BRD2: variants seen among roughly 807,000 people sequenced by gnomAD.
BRD2 encodes bromodomain containing 2, also known as bromodomain-containing protein 2.
BRD2 carries 15 observed loss-of-function variants against 79.1 expected under a neutral mutation model. That is an observed-to-expected ratio of 0.19 (90% CI 0.13 to 0.29). BRD2 has a LOEUF of 0.29. Ranked by LOEUF, BRD2 falls within the 10% of genes least tolerant of loss-of-function variation. BRD2 has a pLI of 1.00. For synonymous variants in BRD2, 488 were observed against 358.6 expected, an observed-to-expected ratio of 1.36 and a Z score of -4.08; for missense variants, 1,053 against 991.3, an observed-to-expected ratio of 1.06 and a Z score of -0.84.
In BRD2 at chr6:32,972,652, T is replaced by C. The variant is rs908262455; in HGVS notation, c.-247T>C. 1 of 606,558 alleles carries C rather than the reference T, an allele frequency of 1.6e-6. No homozygotes were observed. Among genetic ancestry groups the C allele is most frequent in the African/African-American group, 1.9e-5 (1 of 53,834 alleles). The allele number at this position is 606,558 out of a possible 1,614,324, so 37.6% of individuals were successfully genotyped here. A position where few individuals can be genotyped will look rare whatever the true frequency, so the allele number is the denominator to read the frequency against. Reference sequence around the variant, plus strand: ...GTCAGTCCCTCCTTAGTTGCCCGCCTCAGCTGAGGCCGCCGCCATTTTCTT... The same window carrying C: ...GTCAGTCCCTCCTTAGTTGCCCGCCCCAGCTGAGGCCGCCGCCATTTTCTT... On this transcript the variant is annotated 5_prime_UTR_variant, in exon 2 of 13. Coordinates refer to ENST00000374825, the MANE Select transcript of BRD2 (RefSeq NM_005104.4).
Position 32,976,280 on chromosome 6 carries a change from A to G in BRD2, c.641A>G (p.Gln214Arg). The change falls in exon 6 of 13, where the codon CAG (glutamine) becomes CGG (arginine). Residue 214 changes from glutamine (Q) to arginine (R), a missense_variant. This residue lies in a region of BRD2 where 413 missense variants were observed against 335.1 expected (regional missense o/e 1.23). Transcript: ENST00000374825. ...CAGGGCAGTGTTACCAGTGCCCATC[A>G]GGTGCCTGCCGTCTCTTCTGTGTCA... Reference protein sequence around the residue: ...ALQGSVTSAHQVPAVSSVSHT... With the variant: ...ALQGSVTSAHRVPAVSSVSHT... The G allele has an allele frequency of 2.5e-6, 4 of 1,613,036 alleles. No individual in the cohort carries two copies. Among genetic ancestry groups the G allele is most frequent in the Non-Finnish European group, 3.4e-6 (4 of 1,180,018 alleles).
chr6:32,977,054 T>TA, intron 7 of BRD2, 118 bp downstream of exon 7: 1 of 1,362,926 alleles, frequency 7.3e-7, no homozygotes, highest in South Asian at 1.5e-5. Flanking sequence ...TTTACTTTTA[T>TA]AAAATAATAG....
Position 32,980,628 on chromosome 6 carries a change from A to G in BRD2, c.2316A>G (p.Ser772=). ...ESSSAQQVAV[S]RLSASSSSSD... The stretch of plus-strand genomic sequence containing the variant: ...CCTCTGCACAGCAAGTAGCAGTGTC[A>G]CGCCTTAGCGCTTCCAGCTCCAGCT... Residue 772 remains serine (S), a synonymous_variant, in exon 13 of 13, where the codon TCA becomes TCG. Transcript: ENST00000374825. The G allele has an allele frequency of 6.2e-7, 1 of 1,613,164 alleles. No homozygotes were observed. The highest frequency in any genetic ancestry group is 8.5e-7 in the Non-Finnish European group (1 of 1,180,042).
intron 3 of BRD2, chr6:32,975,059 A>C: frequency 6.6e-7 from 1 of 1,520,596 alleles, no homozygotes; most frequent in Non-Finnish European, 8.8e-7. Flanking sequence ...CGGTGGCCAA[A>C]ATTCTTAGCT....
In BRD2 at chr6:32,974,927, T is replaced by C. The variant is rs373183534; in HGVS notation, c.333+162T>C. 15 of 1,402,434 alleles carry C rather than the reference T, an allele frequency of 1.1e-5. 1 individual carries two copies. The highest frequency in any genetic ancestry group is 1.9e-4 in the Middle Eastern group (1 of 5,194). The allele number at this position is 1,402,434 out of a possible 1,614,324, so 86.9% of individuals were successfully genotyped here. A position where few individuals can be genotyped will look rare whatever the true frequency, so the allele number is the denominator to read the frequency against. On this transcript the variant is annotated intron_variant, in intron 3 of 12. Transcript: ENST00000374825. Reference sequence around the variant, plus strand: ...TTCTGGGTATCTTGGTCCTTTGTGATTGATCCGACCGCTTGCTGTAACTAT... The same window carrying C: ...TTCTGGGTATCTTGGTCCTTTGTGACTGATCCGACCGCTTGCTGTAACTAT...
chr6:32,980,087 C>T lies in BRD2; in HGVS notation c.2101C>T (p.Arg701Cys), dbSNP rs771034602. 25 of 1,612,676 alleles carry T rather than the reference C, an allele frequency of 1.6e-5. No individual in the cohort carries two copies. Among genetic ancestry groups the T allele is most frequent in the African/African-American group, 1.1e-4 (8 of 74,860 alleles). Reference protein sequence around the residue: ...LKPSTLRELERYVLSCLRKKP... With the variant: ...LKPSTLRELECYVLSCLRKKP... Reference sequence around the variant, plus strand: ...GCCATCCACACTTAGAGAGCTTGAGCGCTATGTCCTTTCCTGCCTACGTAA... The same window carrying T: ...GCCATCCACACTTAGAGAGCTTGAGTGCTATGTCCTTTCCTGCCTACGTAA... The change falls in exon 11 of 13, where the codon CGC (arginine) becomes TGC (cysteine). Residue 701 changes from arginine (R) to cysteine (C), a missense_variant. Physicochemically the swap from Arg to Cys is radical, Grantham distance 180. Transcript: ENST00000374825.
Position 32,972,728 on chromosome 6 carries a change from G to T in BRD2, c.-171G>T. The T allele has an allele frequency of 6.3e-6, 6 of 957,186 alleles. No individual in the cohort carries two copies. The highest frequency in any genetic ancestry group is 2.5e-5 in the East Asian group (1 of 40,200). The allele number at this position is 957,186 out of a possible 1,614,324, so 59.3% of individuals were successfully genotyped here. A position where few individuals can be genotyped will look rare whatever the true frequency, so the allele number is the denominator to read the frequency against. Reference sequence around the variant, plus strand: ...CAAGCTGCCCGGAGCTCTCCGAGAGGCCCCAAAGAGACTGCTTTCGTGCCG... The same window carrying T: ...CAAGCTGCCCGGAGCTCTCCGAGAGTCCCCAAAGAGACTGCTTTCGTGCCG... On this transcript the variant is annotated 5_prime_UTR_variant, in exon 2 of 13. Coordinates refer to ENST00000374825, the MANE Select transcript of BRD2 (RefSeq NM_005104.4).
rs1778584745 is a variant in BRD2, at chr6:32,975,301, TGTGTGTGTGA to T, written c.334-81_334-72del. ...CATAGGGGGGGTGTGTGTGTGTGTG[TGTGTGTGTGA>T]GAGTCGGGGATCGGTAGTCTCCCTA... On this transcript the variant is annotated intron_variant, in intron 3 of 12. Coordinates refer to ENST00000374825, the MANE Select transcript of BRD2 (RefSeq NM_005104.4). 2.6e-6 allele frequency: 3 copies of T among 1,149,134 alleles called. No individual in the cohort carries two copies. The East Asian group carries it at 7.7e-5, about 29-fold the overall frequency. The allele number at this position is 1,149,134 out of a possible 1,614,324, so 71.2% of individuals were successfully genotyped here.
chr6:32,973,446 G>T (rs1227673826), intron 2 of BRD2, among the ~76,000 whole-genome samples: 4 of 152,080 alleles, frequency 2.6e-5, no homozygotes, highest in Non-Finnish European at 5.9e-5. Flanking sequence ...TCTTTGGGTG[G>T]GTGGGTTGTG....
chr6:32,970,483 C>T (rs1484301631), intron 1 of BRD2: 2 of 153,762 alleles, frequency 1.3e-5, no homozygotes, highest in African/African-American at 4.8e-5. Context: ...GTGGTTGCAG[C>T]TCAAGGACCT....
rs1778456287 is a variant in BRD2 at position 32,974,532 on chromosome 6, C to G, written c.100C>G (p.Arg34Gly). Residue 34 changes from arginine (R) to glycine (G), a missense_variant, in exon 3 of 13, where the codon CGA (arginine) becomes GGA (glycine). By Grantham distance (125) the Arg-to-Gly change is moderately radical. Coordinates refer to ENST00000374825, the MANE Select transcript of BRD2 (RefSeq NM_005104.4). ...AGCAGCAGCACCAGGGAAGAGGATT[C>G]GAAAACCCTCTCTCTTGTATGAGGG... ...PEAAAPGKRI[R>G]KPSLLYEGFE... 1 of 1,614,042 alleles carries G rather than the reference C, an allele frequency of 6.2e-7. No individual in the cohort carries two copies.
At chr6:32,974,171 C>T (rs1045490281) in intron 2 of BRD2, among the ~76,000 whole-genome samples, 3 of 152,102 alleles carry the variant, frequency 2.0e-5, no homozygotes, top group African/African-American at 4.8e-5. Flanking sequence ...AGATGTCGTG[C>T]CTTGTCAGAA....
At chr6:32,974,312 A>AT in intron 2 of BRD2, 150 bp from the exon 3 acceptor site, 1 of 771,610 alleles carries the variant, frequency 1.3e-6, no homozygotes, top group Non-Finnish European at 2.1e-6. Flanking sequence ...AGCTCCACAG[A>AT]TTGTTTGGAT....
chr6:32,972,303 A>T lies in BRD2; in HGVS notation c.-596A>T, dbSNP rs1323888540. 2.5e-6 allele frequency: 1 copy of T among 396,756 alleles called. No individual in the cohort carries two copies. The highest frequency in any genetic ancestry group is 2.1e-5 in the African/African-American group (1 of 48,204). 24.6% of individuals were successfully genotyped at this position (396,756 alleles called of 1,614,324 possible). A position where few individuals can be genotyped will look rare whatever the true frequency, so the allele number is the denominator to read the frequency against. On this transcript the variant is annotated 5_prime_UTR_variant, in exon 2 of 13. Coordinates refer to ENST00000374825, the MANE Select transcript of BRD2 (RefSeq NM_005104.4). Reference sequence around the variant, plus strand: ...GGGGCCGCCATTACAATCCACCTCCATCCGCTTGGAAATGGCCTTCGTCCC... The same window carrying T: ...GGGGCCGCCATTACAATCCACCTCCTTCCGCTTGGAAATGGCCTTCGTCCC...
chr6:32,970,851 C>T (rs924223445), intron 1 of BRD2: 3 of 151,858 alleles, frequency 2.0e-5, no homozygotes, highest in Non-Finnish European at 4.4e-5. Flanking sequence ...CCTGCCCCTC[C>T]TCGGAGGCGG....
intron 1 of BRD2, chr6:32,969,343 C>A: frequency 1.4e-6 from 1 of 716,466 alleles, no homozygotes; most frequent in Non-Finnish European, 2.6e-6. Flanking sequence ...GTACAGCAGC[C>A]GGGAGCCAGG....
In BRD2 at chr6:32,976,286, C is replaced by T. The variant is rs1184323262; in HGVS notation, c.647C>T (p.Pro216Leu). 1.2e-6 allele frequency: 2 copies of T among 1,612,948 alleles called. No homozygotes were observed. Among genetic ancestry groups the T allele is most frequent in the Non-Finnish European group, 1.7e-6 (2 of 1,180,044 alleles). ...QGSVTSAHQV[P>L]AVSSVSHTAL... ...AGTGTTACCAGTGCCCATCAGGTGC[C>T]TGCCGTCTCTTCTGTGTCACACACA... Residue 216 changes from proline (P) to leucine (L), a missense_variant, in exon 6 of 13, where the codon CCT becomes CTT. This residue lies in a region of BRD2 where 413 missense variants were observed against 335.1 expected (regional missense o/e 1.23). Transcript: ENST00000374825.
intron 12 of BRD2, 57 bp from the exon 13 acceptor site, chr6:32,980,525 T>C (rs940796197): frequency 2.5e-6 from 4 of 1,612,406 alleles, no homozygotes; most frequent in Admixed American, 1.7e-5. Flanking sequence ...GACTGTCTTT[T>C]ATTGACAAAT....
At chr6:32,977,634 G>T (rs1372341096) in intron 8 of BRD2, 64 bp downstream of exon 8, 1 of 1,604,476 alleles carries the variant, frequency 6.2e-7, no homozygotes, top group African/African-American at 1.3e-5. Context: ...CATGTGTGCT[G>T]CATAGCCTCA....
Sources: gnomAD v4.1 joint callset for allele counts (sites outside exome capture counted in the v4.1 genomes callset) on GRCh38, gnomAD v4.1.1 for gene constraint, gnomAD v4.1.1 regional missense constraint, MANE v1.5 for transcripts, NCBI Gene and HGNC (gene_info 2026-07-23, HGNC 2026-07-21) for gene names.